TENM4: variants seen among roughly 807,000 people sequenced by gnomAD.
TENM4 encodes the protein teneurin transmembrane protein 4, also known as teneurin-4.
A neutral mutation model predicts 243.3 loss-of-function variants in TENM4; 82 were observed. That is an observed-to-expected ratio of 0.34 (90% CI 0.28 to 0.40). The LOEUF (loss-of-function observed/expected upper bound fraction) is 0.40, where lower values mean the gene tolerates loss of function less well. Ranked by LOEUF, TENM4 falls within the 10% of genes least tolerant of loss-of-function variation. The pLI, the probability that TENM4 is intolerant of heterozygous loss-of-function variation, is 1.00. For missense variants in TENM4, 3,138 were observed against 3,673.3 expected (o/e 0.85, Z 3.77); for synonymous variants, 1,412 against 1,456.3 (o/e 0.97, Z 0.69).
At chr11:78,977,039 A>G (rs1857675287) in intron 6 of TENM4, among the ~76,000 whole-genome samples, 1 of 152,194 alleles carries the variant, frequency 6.6e-6, no homozygotes, top group Non-Finnish European at 1.5e-5. Flanking sequence ...GTCTGAAATA[A>G]TGATATGGAC....
At chr11:79,086,309 C>A (rs141711808) in intron 4 of TENM4, among the ~76,000 whole-genome samples, 1 of 152,200 alleles carries the variant, frequency 6.6e-6, no homozygotes, top group Admixed American at 6.5e-5. Context: ...AACCAACACC[C>A]GGTAGATTAT....
At chr11:78,990,063 T>TAAAAAAAAAAAAAA (rs780530657) in intron 6 of TENM4, among the ~76,000 whole-genome samples, 3 of 139,006 alleles carry the variant, frequency 2.2e-5, no homozygotes, top group African/African-American at 8.2e-5. Context: ...AGGCTTTGTT[T>TAAAAAAAAAAAAAA]AAAAAAAAAA....
At chr11:78,956,497 G>T (rs1202001780) in intron 6 of TENM4, among the ~76,000 whole-genome samples, 1 of 152,220 alleles carries the variant, frequency 6.6e-6, no homozygotes, top group African/African-American at 2.4e-5. Context: ...TAGCAGAGCG[G>T]CTAGGCCTTT....
intron 31 of TENM4, among the ~76,000 whole-genome samples, chr11:78,671,103 C>A (rs746478542): frequency 6.6e-6 from 1 of 152,160 alleles, no homozygotes; most frequent in South Asian, 2.1e-4. Flanking sequence ...AGCACGAAGA[C>A]CATATTTGAG....
chr11:79,204,546 C>T (rs181318935), intron 3 of TENM4, among the ~76,000 whole-genome samples: 177 of 152,264 alleles, frequency 1.2e-3, no homozygotes, highest in Non-Finnish European at 2.0e-3. Flanking sequence ...CAGTAGGATA[C>T]CATTTCATAC....
At chr11:79,293,300 C>T (rs947970948) in intron 2 of TENM4, among the ~76,000 whole-genome samples, 2 of 151,854 alleles carry the variant, frequency 1.3e-5, no homozygotes, top group Non-Finnish European at 2.9e-5. Context: ...GTAGGATGGG[C>T]ACGGTGGGTC....
chr11:78,834,362 T>C (rs1050411999), intron 12 of TENM4, among the ~76,000 whole-genome samples: 1 of 152,226 alleles, frequency 6.6e-6, no homozygotes, highest in African/African-American at 2.4e-5. Context: ...TGAGTTCTTT[T>C]GTTTTCCTAT....
In TENM4 at chr11:79,438,230, G is replaced by A. The variant is rs2135629797; in HGVS notation, c.-321+2279C>T. 6.6e-6 allele frequency among the ~76,000 whole-genome samples: 1 copy of A among 152,292 alleles called. No individual in the cohort carries two copies. The highest frequency in any genetic ancestry group is 1.9e-4 in the East Asian group (1 of 5,170). On this transcript the variant is annotated intron_variant, in intron 1 of 33. Transcript: ENST00000278550. This position sits in a 1 kb window ranked among gnomAD's most constrained non-coding sequence, Gnocchi z 4.1. ...TCCCCACGGCTGTGTCAGGGCTGGGGTGGCTTATCCCCCTACAGACGAAAA... is the reference window on the plus strand; with the variant it reads ...TCCCCACGGCTGTGTCAGGGCTGGGATGGCTTATCCCCCTACAGACGAAAA...
At chr11:78,820,381 T>C (rs1183913255) in intron 12 of TENM4, among the ~76,000 whole-genome samples, 2 of 152,200 alleles carry the variant, frequency 1.3e-5, no homozygotes, top group African/African-American at 2.4e-5. Flanking sequence ...GTTTGCAGCA[T>C]TTGGCCTGGA....
chr11:79,309,377 C>T (rs1856681549), intron 1 of TENM4, among the ~76,000 whole-genome samples: 1 of 152,166 alleles, frequency 6.6e-6, no homozygotes, highest in Admixed American at 6.5e-5. Flanking sequence ...CATCCTGGCC[C>T]TGGAGGTCAG....
rs1857829761 is a variant in TENM4 at position 78,653,897 on chromosome 11, A to G, written c.*4161T>C. On this transcript the variant is annotated 3_prime_UTR_variant, in exon 34 of 34. Transcript: ENST00000278550. ...GAGTCACCACTGTCTAGGGCAGTCA[A>G]GTACACAAGGATGGTTTTTGTGAAT... 1 of 152,296 alleles carries G rather than the reference A, an allele frequency of 6.6e-6. No individual in the cohort carries two copies. The highest frequency in any genetic ancestry group is 2.1e-4 in the South Asian group (1 of 4,836). 9.4% of individuals were successfully genotyped at this position (152,296 alleles called of 1,614,324 possible).
At chr11:79,090,075 T>C (rs1434340040) in intron 4 of TENM4, among the ~76,000 whole-genome samples, 1 of 152,168 alleles carries the variant, frequency 6.6e-6, no homozygotes, top group Non-Finnish European at 1.5e-5. Flanking sequence ...TTTTTCTTGT[T>C]GAGGAAATTA....
At position 78,676,053 on chromosome 11, in the gene TENM4, G is replaced by C. The variant is rs1018891701; in HGVS notation, c.5496+99C>G. 4 of 1,169,340 alleles carry C rather than the reference G, an allele frequency of 3.4e-6. No homozygotes were observed. The Admixed American group carries it at 1.2e-4, about 34-fold the overall frequency. 72.4% of individuals were successfully genotyped at this position (1,169,340 alleles called of 1,614,324 possible). A position where few individuals can be genotyped will look rare whatever the true frequency, so the allele number is the denominator to read the frequency against. On this transcript the variant is annotated intron_variant, in intron 30 of 33. Transcript: ENST00000278550. Reference sequence around the variant, plus strand: ...TTTAGTTCTCCCCTTTTGCAGATGAGTGAACTGAGGTCCCAGGGAATTTCA... The same window carrying C: ...TTTAGTTCTCCCCTTTTGCAGATGACTGAACTGAGGTCCCAGGGAATTTCA...
In TENM4 at chr11:79,310,488, A is replaced by T. The variant is rs376886329; in HGVS notation, c.-320-12945T>A. On this transcript the variant is annotated intron_variant, in intron 1 of 33. Transcript: ENST00000278550. The stretch of plus-strand genomic sequence containing the variant: ...ATACGCACTCATATGGCCTCCCTGA[A>T]TTCCCTAGCTTCTGAAGAAGATACG... Among the ~76,000 whole-genome samples, 88 of 152,344 alleles carry T rather than the reference A, an allele frequency of 5.8e-4. 5 individuals are homozygous for T. The South Asian group carries it at 9.9e-3, about 17-fold the overall frequency.
At chr11:79,056,710 GA>G (rs1430953014) in intron 6 of TENM4, among the ~76,000 whole-genome samples, 2 of 152,202 alleles carry the variant, frequency 1.3e-5, no homozygotes, top group Non-Finnish European at 2.9e-5. Flanking sequence ...ACCAAGGTCA[GA>G]AACCAAGATG....
At chr11:79,041,142 C>T (rs1312345389) in intron 6 of TENM4, among the ~76,000 whole-genome samples, 1 of 151,726 alleles carries the variant, frequency 6.6e-6, no homozygotes, top group Non-Finnish European at 1.5e-5. Context: ...TAGCTCAATG[C>T]AACCTCCGCC....
chr11:78,827,961 A>T (rs575908290), intron 12 of TENM4, among the ~76,000 whole-genome samples: 2 of 152,308 alleles, frequency 1.3e-5, no homozygotes, highest in Admixed American at 1.3e-4. Context: ...CCCCTAGTAG[A>T]CTGCAAATTC....
chr11:78,979,132 T>C (rs1381594521), intron 6 of TENM4, among the ~76,000 whole-genome samples: 1 of 152,144 alleles, frequency 6.6e-6, no homozygotes, highest in Non-Finnish European at 1.5e-5. Context: ...GTGTGATTTG[T>C]CACAGGTCCC....
chr11:79,342,467 G>GGCCC (rs1857257994), intron 1 of TENM4, among the ~76,000 whole-genome samples: 1 of 152,138 alleles, frequency 6.6e-6, no homozygotes, highest in Non-Finnish European at 1.5e-5. Flanking sequence ...GAGGGATGGT[G>GGCCC]GCTGGGAGTA....
Sources: gnomAD v4.1 joint callset for allele counts (sites outside exome capture counted in the v4.1 genomes callset) on GRCh38, gnomAD v4.1.1 for gene constraint, Gnocchi (gnomAD v3.1) non-coding constraint, MANE v1.5 for transcripts, NCBI Gene and HGNC (gene_info 2026-07-23, HGNC 2026-07-21) for gene names.